SAMM50: variants seen among roughly 807,000 people sequenced by gnomAD.
SAMM50 encodes SAMM50 sorting and assembly machinery component.
In SAMM50, 47 loss-of-function variants were observed where a neutral mutation model predicts 66.9. The observed-to-expected ratio is 0.70, with a 90% CI of 0.56 to 0.90. The LOEUF is 0.90. Among genes scored for constraint, SAMM50 ranks in the 40% least tolerant of loss-of-function variants. SAMM50 has a pLI of 0.00. For synonymous variants in SAMM50, 191 were observed against 214.1 expected (o/e 0.89, Z 0.94); for missense variants, 535 against 595.3 (o/e 0.90, Z 1.05).
chr22:43,991,724 C>T (rs1386911810), intron 14 of SAMM50, among the ~76,000 whole-genome samples: 1 of 152,200 alleles, frequency 6.6e-6, no homozygotes, highest in East Asian at 1.9e-4. Context: ...AGTCCAAGAT[C>T]AGGGTGCTGG....
At chr22:43,987,770 G>A (rs530685279) in intron 12 of SAMM50, 1 of 152,114 alleles carries the variant, frequency 6.6e-6, no homozygotes, top group Admixed American at 6.6e-5. Context: ...AAGAGAAATA[G>A]ATCATTAAAT....
At chr22:43,976,367 A>G (rs766830018) in intron 8 of SAMM50, among the ~76,000 whole-genome samples, 184 bp downstream of exon 8, 3 of 152,212 alleles carry the variant, frequency 2.0e-5, no homozygotes, top group Non-Finnish European at 4.4e-5. Context: ...TTTCCGAATA[A>G]TGTCAGTGGT....
At chr22:43,968,303 C>T (rs971493049) in intron 3 of SAMM50, among the ~76,000 whole-genome samples, 4 of 134,056 alleles carry the variant, frequency 3.0e-5, no homozygotes, top group Admixed American at 2.9e-4. Context: ...AAAATTGAAA[C>T]ACCACAAGAA....
chr22:43,994,050 G>A (rs2050339689), intron 14 of SAMM50, among the ~76,000 whole-genome samples: 1 of 152,234 alleles, frequency 6.6e-6, no homozygotes, highest in South Asian at 2.1e-4. Flanking sequence ...TTAGCAGCAG[G>A]AAGACAAGAA....
At chr22:43,973,109 G>T in intron 6 of SAMM50, 108 bp downstream of exon 6, 1 of 1,421,884 alleles carries the variant, frequency 7.0e-7, no homozygotes, top group South Asian at 1.2e-5. Flanking sequence ...CTTCTGCAGT[G>T]ACCACATGCT....
At chr22:43,964,654 G>GC in intron 3 of SAMM50, 101 bp downstream of exon 3, 1 of 639,912 alleles carries the variant, frequency 1.6e-6, no homozygotes, top group East Asian at 2.9e-5. Context: ...CGGCCTCTGT[G>GC]CCGGAGATCT....
Position 43,985,322 on chromosome 22 carries a change from T to C in SAMM50, c.1075+1322T>C, listed in dbSNP as rs138701287. Among the ~76,000 whole-genome samples, 476 of 152,068 alleles carry C rather than the reference T, an allele frequency of 3.1e-3. 7 individuals are homozygous for C. The highest frequency in any genetic ancestry group is 0.011 in the African/African-American group (441 of 41,366). ...TTCACCATTCCAGGATCACACAAAGTGGCTTCACTGCGCTAAAAATGCTGG... is the reference window on the plus strand; with the variant it reads ...TTCACCATTCCAGGATCACACAAAGCGGCTTCACTGCGCTAAAAATGCTGG... On this transcript the variant is annotated intron_variant, in intron 12 of 14. Coordinates refer to ENST00000350028, the MANE Select transcript of SAMM50 (RefSeq NM_015380.5).
intron 14 of SAMM50, among the ~76,000 whole-genome samples, chr22:43,994,770 C>T (rs1451785583): frequency 6.6e-6 from 1 of 152,134 alleles, no homozygotes; most frequent in Non-Finnish European, 1.5e-5. Flanking sequence ...GGTGGAACTT[C>T]GCAGCGCTGC....
Position 43,983,506 on chromosome 22 carries a change from C to T in SAMM50, c.1008-427C>T, listed in dbSNP as rs867858152. On this transcript the variant is annotated intron_variant, in intron 11 of 14. Transcript: ENST00000350028. This position sits in a 1 kb window ranked among gnomAD's most constrained non-coding sequence, Gnocchi z 4.2. The stretch of plus-strand genomic sequence containing the variant: ...GGTCTGTTTCTAGTATTATAGCCCC[C>T]CTTTTTGTAATATTGGGATTATACT... 1.3e-5 allele frequency among the ~76,000 whole-genome samples: 2 copies of T among 152,142 alleles called. No homozygotes were observed. The highest frequency in any genetic ancestry group is 1.5e-5 in the Non-Finnish European group (1 of 68,032).
chr22:43,992,016 C>G (rs1432779688), intron 14 of SAMM50, among the ~76,000 whole-genome samples: 5 of 151,632 alleles, frequency 3.3e-5, no homozygotes, highest in Admixed American at 2.0e-4. Flanking sequence ...TTCATACTGT[C>G]TCTTATTTTT....
At chr22:43,960,691 T>C (rs1010634091) in intron 1 of SAMM50, among the ~76,000 whole-genome samples, 40 of 152,048 alleles carry the variant, frequency 2.6e-4, no homozygotes, top group African/African-American at 9.4e-4. Flanking sequence ...ATTGCGCCAT[T>C]ACACTCAAGC....
intron 1 of SAMM50, among the ~76,000 whole-genome samples, chr22:43,961,436 A>T (rs2050146674): frequency 6.6e-6 from 1 of 152,190 alleles, no homozygotes; most frequent in Non-Finnish European, 1.5e-5. Flanking sequence ...ATATAATACA[A>T]TGTATACATA....
intron 4 of SAMM50, among the ~76,000 whole-genome samples, chr22:43,971,092 C>T (rs762394538): frequency 3.8e-4 from 58 of 152,038 alleles, no homozygotes; most frequent in Admixed American, 1.5e-3. Flanking sequence ...TGCTTGAACC[C>T]GGGAGGTGGA....
At chr22:43,968,248 G>A (rs938887859) in intron 3 of SAMM50, among the ~76,000 whole-genome samples, 570 of 96,978 alleles carry the variant, frequency 5.9e-3, no homozygotes, top group Middle Eastern at 0.016. Flanking sequence ...AAAAAAAAAA[G>A]AAAAAAGAAA....
chr22:43,974,929 G>A (rs890451768), intron 7 of SAMM50: 3 of 73,352 alleles, frequency 4.1e-5, no homozygotes, highest in Admixed American at 2.9e-4. Flanking sequence ...GTGTAGACTC[G>A]GCCCTCGGGT....
chr22:43,970,478 C>T (rs1286554795), intron 4 of SAMM50, among the ~76,000 whole-genome samples: 1 of 152,170 alleles, frequency 6.6e-6, no homozygotes, highest in African/African-American at 2.4e-5. Context: ...CTTACCCCTC[C>T]CTTTAAGCAC....
intron 14 of SAMM50, among the ~76,000 whole-genome samples, chr22:43,993,162 G>A (rs1181042491): frequency 6.6e-6 from 1 of 152,210 alleles, no homozygotes; most frequent in Admixed American, 6.5e-5. Flanking sequence ...TAAGTGGGTG[G>A]TTTTGAGTGG....
chr22:43,961,387 A>G (rs1359765991), intron 1 of SAMM50, among the ~76,000 whole-genome samples: 1 of 152,234 alleles, frequency 6.6e-6, no homozygotes, highest in Non-Finnish European at 1.5e-5. Context: ...AGGAACAAAT[A>G]AGAATTGAAT....
At position 43,976,824 on chromosome 22, in the gene SAMM50, A is replaced by G. The variant is rs1488352306; in HGVS notation, c.849+3A>G. On this transcript the variant is annotated splice_donor_region_variant and intron_variant, in intron 9 of 14. Coordinates refer to ENST00000350028, the MANE Select transcript of SAMM50 (RefSeq NM_015380.5). ...GTGCTTTGCTGAAAGTTAACCAGGT[A>G]GTGTTGTTTCACCTGTGACCCCTGC... 6.7e-6 allele frequency: 10 copies of G among 1,489,322 alleles called. No homozygotes were observed. The highest frequency in any genetic ancestry group is 9.1e-6 in the Non-Finnish European group (10 of 1,100,252). 92.3% of individuals were successfully genotyped at this position (1,489,322 alleles called of 1,614,324 possible).
Sources: allele counts gnomAD v4.1 joint callset (sites outside exome capture counted in the v4.1 genomes callset), GRCh38; gene constraint gnomAD v4.1.1; non-coding constraint Gnocchi (gnomAD v3.1); transcripts MANE v1.5; gene names NCBI Gene and HGNC (gene_info 2026-07-23, HGNC 2026-07-21).